The following ARID5B variants were observed in gnomAD, a reference collection of about 807,000 sequenced individuals.
ARID5B encodes AT-rich interactive domain-containing protein 5B.
ARID5B carries 13 observed loss-of-function variants against 97.2 expected under a neutral mutation model. The observed-to-expected ratio is 0.13, with a 90% CI of 0.09 to 0.21. ARID5B has a LOEUF of 0.21. ARID5B is among the 10% of genes least tolerant of loss of function. ARID5B has a pLI of 1.00. For synonymous variants in ARID5B, 556 were observed against 570.3 expected, an observed-to-expected ratio of 0.97 and a Z score of 0.36; for missense variants, 1,210 against 1,465.3, an observed-to-expected ratio of 0.83 and a Z score of 2.84.
At chr10:62,017,409 G>A (rs796123118) in intron 4 of ARID5B, among the ~76,000 whole-genome samples, 18 of 151,658 alleles carry the variant, frequency 1.2e-4, no homozygotes, top group African/African-American at 3.6e-4. Flanking sequence ...CCAAGATCAC[G>A]TCATTGCACT....
At chr10:62,032,672 G>C (rs1247305611) in intron 4 of ARID5B, among the ~76,000 whole-genome samples, 1 of 152,066 alleles carries the variant, frequency 6.6e-6, no homozygotes, top group Non-Finnish European at 1.5e-5. Context: ...CCAAGATCGT[G>C]CCACTGCACT....
intron 6 of ARID5B, among the ~76,000 whole-genome samples, 185 bp downstream of exon 6, chr10:62,057,503 C>A (rs1196888658): frequency 6.6e-6 from 1 of 152,114 alleles, no homozygotes; most frequent in Non-Finnish European, 1.5e-5. Context: ...TACATTGTTC[C>A]CTTCTGGGAC....
chr10:61,925,240 T>G (rs1344838984), intron 2 of ARID5B, among the ~76,000 whole-genome samples: 1 of 152,062 alleles, frequency 6.6e-6, no homozygotes, highest in Non-Finnish European at 1.5e-5. Context: ...AATCAGATGT[T>G]AAAGTAATGG....
chr10:62,089,604 C>T (rs1304979962), intron 9 of ARID5B, among the ~76,000 whole-genome samples: 5 of 150,898 alleles, frequency 3.3e-5, no homozygotes, highest in Non-Finnish European at 7.4e-5. Context: ...CTCGGCTCAC[C>T]GCATCCTCCA....
At chr10:61,974,996 G>T (rs140501171) in intron 3 of ARID5B, among the ~76,000 whole-genome samples, 95 of 151,544 alleles carry the variant, frequency 6.3e-4, no homozygotes, top group African/African-American at 2.2e-3. Context: ...TTGTTGGTAG[G>T]CTTTTAAACA....
chr10:61,995,030 T>C (rs1838977333), intron 3 of ARID5B, among the ~76,000 whole-genome samples: 1 of 152,194 alleles, frequency 6.6e-6, no homozygotes, highest in African/African-American at 2.4e-5. Context: ...TCTTGGTTAC[T>C]AGCAATTTAT....
intron 4 of ARID5B, among the ~76,000 whole-genome samples, chr10:62,018,020 T>C (rs902558422): frequency 2.6e-5 from 4 of 152,218 alleles, no homozygotes; most frequent in African/African-American, 9.7e-5. Flanking sequence ...GGCCAGATAT[T>C]TGACCTCTGA....
chr10:62,091,460 T>G lies in ARID5B; in HGVS notation c.1997T>G (p.Met666Arg). Reference sequence around the variant, plus strand: ...AAAGACAAAGACCTGACTGGGCCCATGAACGAGAACCATGGACTTAATTAC... The same window carrying G: ...AAAGACAAAGACCTGACTGGGCCCAGGAACGAGAACCATGGACTTAATTAC... ...MFKDKDLTGP[M>R]NENHGLNYTP... is the part of the protein sequence containing the mutation. The change falls in exon 10 of 10, where the codon ATG becomes AGG. Residue 666 changes from methionine (M) to arginine (R), a missense_variant. Physicochemically the swap from Met to Arg is moderately conservative, Grantham distance 91. Around this residue, in one of 8 missense-constraint regions of ARID5B, gnomAD observed 800 missense variants for 839.1 expected, o/e 0.95. Coordinates refer to ENST00000279873, the MANE Select transcript of ARID5B (RefSeq NM_032199.3). The G allele has an allele frequency of 6.2e-7, 1 of 1,611,862 alleles. No homozygotes were observed. Among genetic ancestry groups the G allele is most frequent in the Non-Finnish European group, 8.5e-7 (1 of 1,178,784 alleles).
intron 3 of ARID5B, among the ~76,000 whole-genome samples, chr10:61,963,626 C>T (rs888866274): frequency 3.9e-5 from 6 of 151,928 alleles, no homozygotes; most frequent in African/African-American, 1.5e-4. Flanking sequence ...AAGAGCAACA[C>T]AATTCTTTGT....
At position 62,067,717 on chromosome 10, in the gene ARID5B, A is replaced by G. The variant is rs568273279; in HGVS notation, c.1102-1983A>G. ...ACTCTTGAGACCAGAAGACAACCATATGGATCCTAGTTTTGGTACTCTGCT... is the reference window on the plus strand; with the variant it reads ...ACTCTTGAGACCAGAAGACAACCATGTGGATCCTAGTTTTGGTACTCTGCT... On this transcript the variant is annotated intron_variant, in intron 7 of 9. Transcript: ENST00000279873. 4.6e-5 allele frequency among the ~76,000 whole-genome samples: 7 copies of G among 152,362 alleles called. 1 individual carries two copies. The South Asian group carries it at 1.2e-3, about 27-fold the overall frequency.
At chr10:61,973,309 G>T (rs1285702251) in intron 3 of ARID5B, among the ~76,000 whole-genome samples, 8 of 152,194 alleles carry the variant, frequency 5.3e-5, no homozygotes, top group Admixed American at 2.0e-4. Context: ...AAAGTGATGG[G>T]CTGAGACCCT....
chr10:62,091,868 T>C lies in ARID5B; in HGVS notation c.2405T>C (p.Leu802Pro). ...AACCCCCTTGCTGACTCCTACGTCC[T>C]GAAGCAAGAAATTCAGGAGGGCAAG... ...HLNPLADSYV[L>P]KQEIQEGKDK... The change falls in exon 10 of 10, where the codon CTG (leucine) becomes CCG (proline). Residue 802 changes from leucine (L) to proline (P), a missense_variant. By Grantham distance (98) the Leu-to-Pro change is moderately conservative (BLOSUM62 -3). Transcript: ENST00000279873. 1.2e-6 allele frequency: 2 copies of C among 1,614,150 alleles called. No individual in the cohort carries two copies. The highest frequency in any genetic ancestry group is 1.7e-6 in the Non-Finnish European group (2 of 1,180,024).
At chr10:61,936,297 A>C (rs1844298135) in intron 2 of ARID5B, among the ~76,000 whole-genome samples, 1 of 152,250 alleles carries the variant, frequency 6.6e-6, no homozygotes, top group Non-Finnish European at 1.5e-5. Context: ...ACAAATAAGC[A>C]ATGAAAAACT....
intron 4 of ARID5B, among the ~76,000 whole-genome samples, chr10:62,035,076 G>T (rs1422007833): frequency 6.6e-6 from 1 of 152,176 alleles, no homozygotes; most frequent in Non-Finnish European, 1.5e-5. Context: ...GACAATAGCT[G>T]GGTCTCAGAG....
chr10:62,095,782 C>A lies in ARID5B; in HGVS notation c.*2752C>A, dbSNP rs548036665. ...GTTTGCATTGTTTGAGTTCAAGGGGCCTTATTATTGAATGGAATTGCACAA... is the reference window on the plus strand; with the variant it reads ...GTTTGCATTGTTTGAGTTCAAGGGGACTTATTATTGAATGGAATTGCACAA... On this transcript the variant is annotated 3_prime_UTR_variant, in exon 10 of 10. Transcript: ENST00000279873. 4.3e-6 allele frequency: 1 copy of A among 231,298 alleles called. No individual in the cohort carries two copies. Among genetic ancestry groups the A allele is most frequent in the South Asian group, 1.8e-4 (1 of 5,490 alleles). 14.3% of individuals were successfully genotyped at this position (231,298 alleles called of 1,614,324 possible).
In ARID5B at chr10:61,956,888, G is replaced by T. The variant is rs532171129; in HGVS notation, c.502+16480G>T. ...AAATAATAAATTGCTAACAATTTGC[G>T]GGTATTCCTCCAGTTATCTGTGTGT... On this transcript the variant is annotated intron_variant, in intron 3 of 9. Transcript: ENST00000279873. 2.0e-5 allele frequency among the ~76,000 whole-genome samples: 3 copies of T among 152,120 alleles called. No individual in the cohort carries two copies. In the South Asian group the frequency reaches 6.2e-4, roughly 32 times the overall value.
At chr10:62,087,555 G>A (rs887558822) in intron 9 of ARID5B, among the ~76,000 whole-genome samples, 9 of 148,908 alleles carry the variant, frequency 6.0e-5, no homozygotes, top group African/African-American at 2.0e-4. Flanking sequence ...AAACTGAGCA[G>A]CCACATTTGG....
intron 4 of ARID5B, among the ~76,000 whole-genome samples, chr10:62,010,298 A>G (rs756561084): frequency 1.3e-5 from 2 of 152,186 alleles, no homozygotes; most frequent in Non-Finnish European, 2.9e-5. Context: ...AATCATCTTT[A>G]ACATTTTGCT....
intron 4 of ARID5B, among the ~76,000 whole-genome samples, chr10:62,009,948 A>G (rs1839195385): frequency 6.6e-6 from 1 of 152,222 alleles, no homozygotes; most frequent in Non-Finnish European, 1.5e-5. Context: ...TTGAAGCTCA[A>G]AGAGATTGTT....
Sources: allele counts gnomAD v4.1 joint callset (sites outside exome capture counted in the v4.1 genomes callset), GRCh38; gene constraint gnomAD v4.1.1; regional missense constraint gnomAD v4.1.1; transcripts MANE v1.5; gene names NCBI Gene and HGNC (gene_info 2026-07-23, HGNC 2026-07-21).